The following INPP5A variants were observed in gnomAD, a reference collection of about 807,000 sequenced individuals.
The protein encoded by INPP5A is inositol polyphosphate-5-phosphatase A.
In INPP5A, 14 loss-of-function variants were observed where a neutral mutation model predicts 65.2. The ratio of observed to expected loss-of-function variants is 0.21; its 90% CI spans 0.14 to 0.34. INPP5A has a LOEUF of 0.34. Ranked by LOEUF, INPP5A falls within the 10% of genes least tolerant of loss-of-function variation. The pLI is 1.00. For synonymous variants in INPP5A, 207 were observed against 208.3 expected, an observed-to-expected ratio of 0.99 and a Z score of 0.05; for missense variants, 431 against 545.6, an observed-to-expected ratio of 0.79 and a Z score of 2.09.
At chr10:132,683,447 T>C (rs962055548) in intron 4 of INPP5A, among the ~76,000 whole-genome samples, 2 of 152,082 alleles carry the variant, frequency 1.3e-5, no homozygotes, top group African/African-American at 4.8e-5. Context: ...GCAAGGCTGT[T>C]ATATATATAT....
rs376987037 is a variant in INPP5A at position 132,752,181 on chromosome 10, T to G, written c.903+2336T>G. ...CAGGGCTGCCGTCGTTTGGAGGAGGTGCTTTCAGGGTCCCTAGCAGAGCTG... is the reference window on the plus strand; with the variant it reads ...CAGGGCTGCCGTCGTTTGGAGGAGGGGCTTTCAGGGTCCCTAGCAGAGCTG... On this transcript the variant is annotated intron_variant, in intron 11 of 15. Transcript: ENST00000368594. Among the ~76,000 whole-genome samples, 315 of 149,090 alleles carry G rather than the reference T, an allele frequency of 2.1e-3. 3 individuals carry two copies. Among genetic ancestry groups the G allele is most frequent in the African/African-American group, 6.4e-3 (258 of 40,476 alleles).
intron 9 of INPP5A, among the ~76,000 whole-genome samples, chr10:132,730,241 C>G (rs554232797): frequency 6.6e-6 from 1 of 152,364 alleles, no homozygotes; most frequent in East Asian, 1.9e-4. Context: ...CTGCCCTGGA[C>G]CGGCCAGGCC....
rs1160225376 is a variant in INPP5A at position 132,675,606 on chromosome 10, C to CATTCCCACGGGGAT, written c.307-14776_307-14763dup. Reference sequence around the variant, plus strand: ...TGCCCGGGAGAGTGAGGGTAACGGACATTCCCACGGGGATATTCCCACGCG... The same window carrying CATTCCCACGGGGAT: ...TGCCCGGGAGAGTGAGGGTAACGGACATTCCCACGGGGATATTCCCACGGGGATATTCCCACGCG... On this transcript the variant is annotated intron_variant, in intron 4 of 15. Coordinates refer to ENST00000368594, the MANE Select transcript of INPP5A (RefSeq NM_005539.5). The surrounding 1 kb of genome is among the most constrained non-coding windows in gnomAD (Gnocchi z 4.2). Among the ~76,000 whole-genome samples, 1 of 152,074 alleles carries CATTCCCACGGGGAT rather than the reference C, an allele frequency of 6.6e-6. No homozygotes were observed. Among genetic ancestry groups the CATTCCCACGGGGAT allele is most frequent in the African/African-American group, 2.4e-5 (1 of 41,384 alleles).
chr10:132,717,827 A>G (rs868050685), intron 8 of INPP5A, among the ~76,000 whole-genome samples: 275 of 57,642 alleles, frequency 4.8e-3, no homozygotes, highest in Middle Eastern at 0.016. Context: ...CTGTCTGGGC[A>G]CCTTAGACGG....
chr10:132,753,411 C>T lies in INPP5A; in HGVS notation c.903+3566C>T, dbSNP rs543935836. On this transcript the variant is annotated intron_variant, in intron 11 of 15. Transcript: ENST00000368594. This position sits in a 1 kb window ranked among gnomAD's most constrained non-coding sequence, Gnocchi z 5.3. ...CTTCATCAACCGCCGGTCTTGTACC[C>T]GTCTGACAGAAATTTAATTCAGGCT... Among the ~76,000 whole-genome samples, 150 of 152,290 alleles carry T rather than the reference C, an allele frequency of 9.8e-4. 2 individuals are homozygous for T. Among genetic ancestry groups the T allele is most frequent in the Admixed American group, 2.4e-3 (37 of 15,302 alleles).
At position 132,547,715 on chromosome 10, in the gene INPP5A, G is replaced by A. The variant is rs1018038290; in HGVS notation, c.75+9544G>A. Among the ~76,000 whole-genome samples the A allele has an allele frequency of 2.6e-5, 4 of 152,060 alleles. No homozygotes were observed. The highest frequency in any genetic ancestry group is 9.7e-5 in the African/African-American group (4 of 41,396). On this transcript the variant is annotated intron_variant, in intron 1 of 15. Transcript: ENST00000368594. This position sits in a 1 kb window ranked among gnomAD's most constrained non-coding sequence, Gnocchi z 5.5. ...GGGTTCCTCCGGGACGCCTCGCCTA[G>A]GCAAGCAGGGTTTTCCTCCTTCACG...
chr10:132,620,814 G>C (rs1280779889), intron 2 of INPP5A, among the ~76,000 whole-genome samples: 1 of 152,180 alleles, frequency 6.6e-6, no homozygotes, highest in Non-Finnish European at 1.5e-5. Context: ...AAATTCTACA[G>C]AGCCTTTAGA....
rs148821508 is a variant in INPP5A, at chr10:132,672,331, A to T, written c.307-18061A>T. Among the ~76,000 whole-genome samples, 1,355 of 152,266 alleles carry T rather than the reference A, an allele frequency of 8.9e-3. 17 individuals are homozygous for T. Among genetic ancestry groups the T allele is most frequent in the African/African-American group, 0.031 (1,296 of 41,552 alleles). ...GACAGGAGATCTGGGAGGGGTCGGG[A>T]TGGAATAATATGGTTTGGCTGCGTC... On this transcript the variant is annotated intron_variant, in intron 4 of 15. Coordinates refer to ENST00000368594, the MANE Select transcript of INPP5A (RefSeq NM_005539.5).
Position 132,755,333 on chromosome 10 carries a change from GCTGTGTGAGCGT to G in INPP5A, c.903+5489_903+5500del, listed in dbSNP as rs577118944. ...TGCATTTGAGTGGGCGAGTGTGTGA[GCTGTGTGAGCGT>G]GTGTGTGAGCAGACATGCATATGAG... On this transcript the variant is annotated intron_variant, in intron 11 of 15. Transcript: ENST00000368594. Among the ~76,000 whole-genome samples, 877 of 149,360 alleles carry G rather than the reference GCTGTGTGAGCGT, an allele frequency of 5.9e-3. 7 individuals carry two copies. Among genetic ancestry groups the G allele is most frequent in the Middle Eastern group, 0.012 (3 of 258 alleles).
rs1001230021 is a variant in INPP5A at position 132,537,811 on chromosome 10, G to T, written c.-286G>T. On this transcript the variant is annotated 5_prime_UTR_variant, in exon 1 of 16. Coordinates refer to ENST00000368594, the MANE Select transcript of INPP5A (RefSeq NM_005539.5). ...GACTTGCCCTCAGCCTGAGTCGGCG[G>T]CGGCTGCGGGAACTTTCCCAGCGGA... The T allele has an allele frequency of 1.1e-5, 4 of 370,180 alleles. No homozygotes were observed. Among genetic ancestry groups the T allele is most frequent in the Admixed American group, 9.2e-5 (2 of 21,676 alleles). The allele number at this position is 370,180 out of a possible 1,614,324, so 22.9% of individuals were successfully genotyped here. A position where few individuals can be genotyped will look rare whatever the true frequency, so the allele number is the denominator to read the frequency against.
chr10:132,689,943 A>T (rs1845229513), intron 4 of INPP5A, among the ~76,000 whole-genome samples: 1 of 152,240 alleles, frequency 6.6e-6, no homozygotes, highest in South Asian at 2.1e-4. Flanking sequence ...GCCGAGCATC[A>T]GTGCTGGGAA....
At chr10:132,569,475 G>GC (rs1252717305) in intron 1 of INPP5A, among the ~76,000 whole-genome samples, 5 of 152,076 alleles carry the variant, frequency 3.3e-5, no homozygotes, top group Non-Finnish European at 7.4e-5. Context: ...TCCCAACTCA[G>GC]CCCCCTGAGT....
intron 8 of INPP5A, among the ~76,000 whole-genome samples, chr10:132,717,001 G>C (rs553302281): frequency 6.8e-4 from 103 of 152,288 alleles, no homozygotes; most frequent in Admixed American, 2.9e-3. Context: ...GGCCCAGGAT[G>C]CCCCCAGCCC....
At chr10:132,723,630 T>G (rs1207489365) in intron 8 of INPP5A, among the ~76,000 whole-genome samples, 1 of 59,054 alleles carries the variant, frequency 1.7e-5, no homozygotes, top group East Asian at 3.4e-4. Context: ...TGGGGATTGG[T>G]TTTGTGGGGA....
At chr10:132,759,268 G>A (rs1199898433) in intron 11 of INPP5A, among the ~76,000 whole-genome samples, 1 of 152,132 alleles carries the variant, frequency 6.6e-6, no homozygotes, top group Non-Finnish European at 1.5e-5. Context: ...GAAGACCCCC[G>A]GGGTAGTGAG....
chr10:132,744,353 G>A (rs895124215), intron 9 of INPP5A, among the ~76,000 whole-genome samples: 3 of 152,188 alleles, frequency 2.0e-5, no homozygotes, highest in Admixed American at 6.5e-5. Flanking sequence ...CCCTGCTCCC[G>A]CAGCAGAGCG....
intron 1 of INPP5A, among the ~76,000 whole-genome samples, chr10:132,589,457 C>T (rs907215844): frequency 5.3e-5 from 8 of 152,378 alleles, no homozygotes; most frequent in African/African-American, 7.2e-5. Context: ...CGGTAGGGGC[C>T]GCGGTCCAAG....
At chr10:132,572,285 C>T (rs1348324405) in intron 1 of INPP5A, among the ~76,000 whole-genome samples, 3 of 143,442 alleles carry the variant, frequency 2.1e-5, no homozygotes, top group Non-Finnish European at 3.0e-5. Context: ...TGGCAAGATG[C>T]CCCTGGTGGC....
At chr10:132,781,726 G>GC in intron 14 of INPP5A, 135 bp from the exon 15 acceptor site, 1 of 738,622 alleles carries the variant, frequency 1.4e-6, no homozygotes, top group South Asian at 1.6e-5. Flanking sequence ...GCCTCTGCTG[G>GC]CCATCAGCTC....
Sources: gnomAD v4.1 joint callset for allele counts (sites outside exome capture counted in the v4.1 genomes callset) on GRCh38, gnomAD v4.1.1 for gene constraint, Gnocchi (gnomAD v3.1) non-coding constraint, MANE v1.5 for transcripts, NCBI Gene and HGNC (gene_info 2026-07-23, HGNC 2026-07-21) for gene names.